The following RAMP1 variants were observed in gnomAD, a reference collection of about 807,000 sequenced individuals.
The protein encoded by RAMP1 is receptor activity-modifying protein 1.
A neutral mutation model predicts 8.2 loss-of-function variants in RAMP1; 7 were observed. The observed-to-expected ratio is 0.85, with a 90% confidence interval of 0.49 to 1.60. The LOEUF (loss-of-function observed/expected upper bound fraction) is 1.60. Ranked by LOEUF, RAMP1 falls within the 40% of genes most tolerant of loss-of-function variation. The pLI is 0.00. For missense variants in RAMP1, 192 were observed against 202.4 expected (o/e 0.95, Z 0.31); for synonymous variants, 92 against 84.7 (o/e 1.09, Z -0.47).
At chr2:237,888,182 T>C (rs1394776786) in intron 2 of RAMP1, among the ~76,000 whole-genome samples, 11 of 152,048 alleles carry the variant, frequency 7.2e-5, no homozygotes. Context: ...GCCTCCCGAG[T>C]AGCTGGGATT....
rs1459034731 is a variant in RAMP1 at position 237,877,965 on chromosome 2, C to T, written c.191+603C>T. On this transcript the variant is annotated intron_variant, in intron 2 of 2. Coordinates refer to ENST00000254661, the MANE Select transcript of RAMP1 (RefSeq NM_005855.4). The surrounding 1 kb of genome is among the most constrained non-coding windows in gnomAD (Gnocchi z 4.4). ...AGCCTCCTGGGTGCTGGGCCCCCATCAGCAGGCCGGGGGGTTCTCCCCAGC... is the reference window on the plus strand; with the variant it reads ...AGCCTCCTGGGTGCTGGGCCCCCATTAGCAGGCCGGGGGGTTCTCCCCAGC... The T allele has an allele frequency of 6.1e-6, 6 of 985,446 alleles. No individual in the cohort carries two copies. In the East Asian group the frequency reaches 4.5e-4, roughly 75 times the overall value. The allele number at this position is 985,446 out of a possible 1,614,324, so 61.0% of individuals were successfully genotyped here. A position where few individuals can be genotyped will look rare whatever the true frequency, so the allele number is the denominator to read the frequency against.
intron 1 of RAMP1, among the ~76,000 whole-genome samples, chr2:237,866,581 G>T (rs4597462): frequency 6.6e-6 from 1 of 151,970 alleles, no homozygotes; most frequent in Non-Finnish European, 1.5e-5. Context: ...GTGGGGCGCC[G>T]AACCCCCACA....
rs2062720148 is a variant in RAMP1, at chr2:237,911,882, C to T, written c.*99C>T. Reference sequence around the variant, plus strand: ...CTGGAGCCTTGGGACAGAGCAGGCCCACAATGCCCCCCTTCTTCCAGCCAA... The same window carrying T: ...CTGGAGCCTTGGGACAGAGCAGGCCTACAATGCCCCCCTTCTTCCAGCCAA... On this transcript the variant is annotated 3_prime_UTR_variant, in exon 3 of 3. Coordinates refer to ENST00000254661, the MANE Select transcript of RAMP1 (RefSeq NM_005855.4). 2 of 1,440,550 alleles carry T rather than the reference C, an allele frequency of 1.4e-6. No individual in the cohort carries two copies. The highest frequency in any genetic ancestry group is 1.8e-6 in the Non-Finnish European group (2 of 1,087,770). The allele number at this position is 1,440,550 out of a possible 1,614,324, so 89.2% of individuals were successfully genotyped here. A position where few individuals can be genotyped will look rare whatever the true frequency, so the allele number is the denominator to read the frequency against.
At chr2:237,883,310 G>A (rs76133085) in intron 2 of RAMP1, among the ~76,000 whole-genome samples, 4,153 of 152,162 alleles carry the variant, frequency 0.027, 188 homozygotes, top group African/African-American at 0.095. Flanking sequence ...GTGTCAAAGG[G>A]GACTCACCTT....
At chr2:237,876,417 C>T (rs2062303777) in intron 1 of RAMP1, among the ~76,000 whole-genome samples, 2 of 152,150 alleles carry the variant, frequency 1.3e-5, no homozygotes, top group Admixed American at 1.3e-4. Flanking sequence ...TTTGAAAGGG[C>T]CAGGCCGGTA....
intron 2 of RAMP1, among the ~76,000 whole-genome samples, chr2:237,898,919 C>A (rs1290081942): frequency 6.6e-6 from 1 of 152,234 alleles, no homozygotes; most frequent in Non-Finnish European, 1.5e-5. Context: ...TTCACAGAAT[C>A]CTGGGTGTGA....
chr2:237,868,724 C>T (rs566378539), intron 1 of RAMP1, among the ~76,000 whole-genome samples: 3 of 152,296 alleles, frequency 2.0e-5, no homozygotes, highest in African/African-American at 7.2e-5. Context: ...GGCTGGATCC[C>T]CTGAGTTTGC....
chr2:237,886,807 C>T (rs528851027), intron 2 of RAMP1, among the ~76,000 whole-genome samples: 3 of 152,354 alleles, frequency 2.0e-5, no homozygotes, highest in African/African-American at 7.2e-5. Context: ...CAGGCCTGTG[C>T]GTCAACGCGA....
chr2:237,903,392 TC>T (rs1214734517), intron 2 of RAMP1, among the ~76,000 whole-genome samples: 1 of 152,222 alleles, frequency 6.6e-6, no homozygotes, highest in East Asian at 1.9e-4. Context: ...TCAAGAGGCA[TC>T]CGTGAGTTTG....
chr2:237,894,246 C>T (rs1477278365), intron 2 of RAMP1, among the ~76,000 whole-genome samples: 1 of 152,164 alleles, frequency 6.6e-6, no homozygotes, highest in Non-Finnish European at 1.5e-5. Context: ...CTTGGGATTA[C>T]AGGCGTGAGC....
At chr2:237,880,984 C>T (rs2062363437) in intron 2 of RAMP1, among the ~76,000 whole-genome samples, 2 of 152,248 alleles carry the variant, frequency 1.3e-5, no homozygotes. Flanking sequence ...TGGCATTGTC[C>T]CTCCTCCTCC....
intron 1 of RAMP1, among the ~76,000 whole-genome samples, chr2:237,868,813 G>A (rs12473236): frequency 6.6e-6 from 1 of 152,074 alleles, no homozygotes; most frequent in Non-Finnish European, 1.5e-5. Flanking sequence ...CACGTGAATT[G>A]TTTGGAAGCA....
At chr2:237,886,726 C>T (rs908145897) in intron 2 of RAMP1, among the ~76,000 whole-genome samples, 4 of 152,252 alleles carry the variant, frequency 2.6e-5, no homozygotes, top group African/African-American at 7.2e-5. Context: ...GGCACTGAGC[C>T]CACCATGGCG....
At chr2:237,859,517 G>C (rs2304435), upstream of RAMP1, 114,063 of 272,032 alleles carry the variant, frequency 0.42, 24,716 homozygotes, top group East Asian at 0.56. Context: ...TGGCACCCAC[G>C]CGGGGAGCCG....
intron 2 of RAMP1, among the ~76,000 whole-genome samples, chr2:237,899,323 G>A (rs112857626): frequency 6.6e-5 from 10 of 152,246 alleles, no homozygotes; most frequent in Admixed American, 1.3e-4. Context: ...CGCCCGCCTC[G>A]GCCTCCCAAA....
intron 2 of RAMP1, among the ~76,000 whole-genome samples, chr2:237,895,713 T>C (rs6431563): frequency 0.82 from 123,571 of 150,496 alleles, 50,297 homozygotes; most frequent in East Asian, 0.9. Context: ...ACAGAGAGGG[T>C]GAGTATGCTT....
intron 1 of RAMP1, among the ~76,000 whole-genome samples, chr2:237,866,433 C>G (rs2062187579): frequency 6.6e-6 from 1 of 152,116 alleles, no homozygotes; most frequent in African/African-American, 2.4e-5. Context: ...GTCCTACCAC[C>G]TCTTAACAAT....
Position 237,862,108 on chromosome 2 carries a change from C to A in RAMP1, c.52+2381C>A, listed in dbSNP as rs530781320. On this transcript the variant is annotated intron_variant, in intron 1 of 2. Transcript: ENST00000254661. This position sits in a 1 kb window ranked among gnomAD's most constrained non-coding sequence, Gnocchi z 4.0. ...CCTAGGAAACGCATGCCTTCCTTGG[C>A]TGTCACGTGGGAGCCAGGGGTTTTT... Among the ~76,000 whole-genome samples, 1 of 152,222 alleles carries A rather than the reference C, an allele frequency of 6.6e-6. No homozygotes were observed. Among genetic ancestry groups the A allele is most frequent in the South Asian group, 2.1e-4 (1 of 4,822 alleles).
chr2:237,907,670 C>A (rs1400167096), intron 2 of RAMP1, among the ~76,000 whole-genome samples: 1 of 152,158 alleles, frequency 6.6e-6, no homozygotes, highest in Non-Finnish European at 1.5e-5. Flanking sequence ...TGAGTTTTCA[C>A]TTCTCTGCTT....
Sources: allele counts gnomAD v4.1 joint callset (sites outside exome capture counted in the v4.1 genomes callset), GRCh38; gene constraint gnomAD v4.1.1; non-coding constraint Gnocchi (gnomAD v3.1); transcripts MANE v1.5; gene names NCBI Gene and HGNC (gene_info 2026-07-23, HGNC 2026-07-21).